MAST4: variants seen among roughly 807,000 people sequenced by gnomAD.
MAST4 encodes microtubule-associated serine/threonine-protein kinase 4.
MAST4 carries 89 observed loss-of-function variants against 162.7 expected under a neutral mutation model. The observed-to-expected ratio is 0.55, with a 90% CI of 0.46 to 0.65. The LOEUF (loss-of-function observed/expected upper bound fraction) is 0.65, where lower values mean the gene tolerates loss of function less well. Ranked by LOEUF, MAST4 falls within the 30% of genes least tolerant of loss-of-function variation. The pLI is 0.00. For missense variants in MAST4, 3,153 were observed against 3,374.0 expected, an observed-to-expected ratio of 0.93 and a Z score of 1.62; for synonymous variants, 1,479 against 1,361.1, an observed-to-expected ratio of 1.09 and a Z score of -1.91.
rs771674413 is a variant in MAST4 at position 67,167,100 on chromosome 5, A to G, written c.*49A>G. 2 of 1,470,902 alleles carry G rather than the reference A, an allele frequency of 1.4e-6. No individual in the cohort carries two copies. Among genetic ancestry groups the G allele is most frequent in the Non-Finnish European group, 9.1e-7 (1 of 1,102,180 alleles). The allele number at this position is 1,470,902 out of a possible 1,614,324, so 91.1% of individuals were successfully genotyped here. ...TGTGGAGACCCGTCCTGAACGGGCG[A>G]CTGTGTCTTGACTACCTTTCAAAAC... On this transcript the variant is annotated 3_prime_UTR_variant, in exon 29 of 29. Coordinates refer to ENST00000403625, the MANE Select transcript of MAST4 (RefSeq NM_001164664.2).
At chr5:66,776,344 C>A (rs1371928235) in intron 2 of MAST4, among the ~76,000 whole-genome samples, 1 of 152,062 alleles carries the variant, frequency 6.6e-6, no homozygotes, top group Non-Finnish European at 1.5e-5. Context: ...AGCAAAAGAG[C>A]GTCATTGAGT....
Position 66,987,999 on chromosome 5 carries a change from A to T in MAST4, c.675-66405A>T, listed in dbSNP as rs1355083. Among the ~76,000 whole-genome samples the T allele has an allele frequency of 9.9e-3, 1,497 of 151,848 alleles. 16 individuals carry two copies. Among genetic ancestry groups the T allele is most frequent in the Non-Finnish European group, 0.016 (1,112 of 67,980 alleles). ...CAAATGTTTAATACTGCTTTATTTT[A>T]AAAAAAACTCAATGTTTTGTTGTTT... is the stretch of plus-strand genomic sequence containing the variant. On this transcript the variant is annotated intron_variant, in intron 4 of 28. Transcript: ENST00000403625.
rs112972993 is a variant in MAST4 at position 67,045,043 on chromosome 5, T to C, written c.675-9361T>C. Among the ~76,000 whole-genome samples the C allele has an allele frequency of 3.2e-3, 487 of 152,324 alleles. 6 individuals are homozygous for C. Among genetic ancestry groups the C allele is most frequent in the African/African-American group, 0.011 (471 of 41,588 alleles). On this transcript the variant is annotated intron_variant, in intron 4 of 28. Coordinates refer to ENST00000403625, the MANE Select transcript of MAST4 (RefSeq NM_001164664.2). ...TTGGACTATATTATGTCATTTTAAATCAGTTTAGTCTCATAAGTTGGACTA... is the reference window on the plus strand; with the variant it reads ...TTGGACTATATTATGTCATTTTAAACCAGTTTAGTCTCATAAGTTGGACTA...
chr5:67,047,750 G>A (rs970884426), intron 4 of MAST4, among the ~76,000 whole-genome samples: 1 of 152,076 alleles, frequency 6.6e-6, no homozygotes, highest in Non-Finnish European at 1.5e-5. Flanking sequence ...TGATTTCATG[G>A]GCCATAGGGA....
At chr5:66,617,807 C>T (rs1167793181) in intron 1 of MAST4, among the ~76,000 whole-genome samples, 2 of 152,088 alleles carry the variant, frequency 1.3e-5, no homozygotes, top group Non-Finnish European at 2.9e-5. Flanking sequence ...GGCCAGTGAC[C>T]ATTAACAAAG....
intron 3 of MAST4, among the ~76,000 whole-genome samples, chr5:66,824,209 C>T (rs185507506): frequency 1.2e-4 from 19 of 152,262 alleles, no homozygotes; most frequent in Admixed American, 7.2e-4. Context: ...TCACACTTAA[C>T]GCAAGAAGAT....
chr5:67,057,826 G>A (rs973243058), intron 5 of MAST4, among the ~76,000 whole-genome samples: 2 of 151,876 alleles, frequency 1.3e-5, no homozygotes, highest in Admixed American at 6.6e-5. Flanking sequence ...AAGAAATTGT[G>A]TAAATTGATA....
intron 3 of MAST4, among the ~76,000 whole-genome samples, chr5:66,840,395 T>C (rs1261367827): frequency 6.6e-6 from 1 of 152,222 alleles, no homozygotes; most frequent in Admixed American, 6.5e-5. Context: ...TCTTTAAAAC[T>C]ATATTCCAAA....
intron 7 of MAST4, among the ~76,000 whole-genome samples, chr5:67,098,872 C>T (rs1333301674): frequency 4.6e-5 from 7 of 152,084 alleles, no homozygotes; most frequent in African/African-American, 1.7e-4. Context: ...GCCAGCTGCT[C>T]ATAATCAAAT....
At chr5:67,062,162 G>A (rs1435491521) in intron 5 of MAST4, among the ~76,000 whole-genome samples, 1 of 152,210 alleles carries the variant, frequency 6.6e-6, no homozygotes, top group Non-Finnish European at 1.5e-5. Flanking sequence ...AGCACTTTGG[G>A]AGGCTGAGGT....
intron 6 of MAST4, chr5:67,094,164 A>T: frequency 6.7e-7 from 1 of 1,501,418 alleles, no homozygotes; most frequent in Non-Finnish European, 9.1e-7. Flanking sequence ...CAGAAATGAC[A>T]GGTAAATTTT....
chr5:66,815,441 A>G (rs1237357642), intron 3 of MAST4, among the ~76,000 whole-genome samples: 1 of 152,158 alleles, frequency 6.6e-6, no homozygotes, highest in Non-Finnish European at 1.5e-5. Flanking sequence ...CTCTTACTGT[A>G]CCTAATTTAT....
chr5:67,004,963 T>A (rs752126678), intron 4 of MAST4: 1 of 752,134 alleles, frequency 1.3e-6, no homozygotes, highest in East Asian at 2.5e-5. Context: ...CATATGGCCT[T>A]GAACCCACAG....
At chr5:66,913,067 G>A (rs1292446796) in intron 4 of MAST4, among the ~76,000 whole-genome samples, 1 of 152,176 alleles carries the variant, frequency 6.6e-6, no homozygotes, top group Non-Finnish European at 1.5e-5. Context: ...ACATGGTATA[G>A]TAGTGAGGTT....
intron 1 of MAST4, among the ~76,000 whole-genome samples, chr5:66,647,261 C>G (rs1745902341): frequency 6.6e-6 from 1 of 152,128 alleles, no homozygotes; most frequent in Admixed American, 6.6e-5. Flanking sequence ...AACAAATCTT[C>G]AAATGTTTAA....
chr5:66,949,540 G>C (rs1381466487), intron 4 of MAST4, among the ~76,000 whole-genome samples: 4 of 152,304 alleles, frequency 2.6e-5, no homozygotes, highest in Admixed American at 6.5e-5. Context: ...AAGCCATGCT[G>C]AACTGTGAGT....
At chr5:66,922,279 G>T (rs1764590443) in intron 4 of MAST4, among the ~76,000 whole-genome samples, 1 of 152,306 alleles carries the variant, frequency 6.6e-6, no homozygotes, top group Admixed American at 6.5e-5. Context: ...GAGATGAGTT[G>T]AGACTGCTCC....
Position 67,024,988 on chromosome 5 carries a change from A to C in MAST4, c.675-29416A>C, listed in dbSNP as rs116452569. ...CCATTAAAAATAAGAATTTTAAAAG[A>C]GATCTTGTTTCTGTTCACGTTTCTG... is the stretch of plus-strand genomic sequence containing the variant. On this transcript the variant is annotated intron_variant, in intron 4 of 28. Transcript: ENST00000403625. Among the ~76,000 whole-genome samples the C allele has an allele frequency of 8.4e-3, 1,279 of 152,290 alleles. 13 individuals are homozygous for C. Among genetic ancestry groups the C allele is most frequent in the African/African-American group, 0.029 (1,218 of 41,564 alleles).
At chr5:66,688,206 A>G (rs1413140262) in intron 1 of MAST4, among the ~76,000 whole-genome samples, 2 of 152,218 alleles carry the variant, frequency 1.3e-5, no homozygotes, top group Non-Finnish European at 2.9e-5. Context: ...AAGTCTATCA[A>G]AAGGAATGGC....
Sources: gnomAD v4.1 joint callset for allele counts (sites outside exome capture counted in the v4.1 genomes callset) on GRCh38, gnomAD v4.1.1 for gene constraint, MANE v1.5 for transcripts, NCBI Gene and HGNC (gene_info 2026-07-23, HGNC 2026-07-21) for gene names.